CDCP1: variants seen among roughly 807,000 people sequenced by gnomAD.
The protein encoded by CDCP1 is CUB domain containing protein 1, also known as CUB domain-containing protein 1.
CDCP1 carries 29 observed loss-of-function variants against 60.2 expected under a neutral mutation model. The ratio of observed to expected loss-of-function variants is 0.48; its 90% CI spans 0.36 to 0.66. The LOEUF is 0.66. CDCP1 is among the 30% of genes least tolerant of loss of function. The pLI is 0.00. For synonymous variants in CDCP1, 387 were observed against 431.1 expected, an observed-to-expected ratio of 0.90 and a Z score of 1.27; for missense variants, 876 against 1,074.3, an observed-to-expected ratio of 0.82 and a Z score of 2.58.
chr3:45,102,775 C>A (rs1308308628), intron 4 of CDCP1, among the ~76,000 whole-genome samples: 1 of 152,140 alleles, frequency 6.6e-6, no homozygotes, highest in Admixed American at 6.5e-5. Context: ...ATTCTCCCAC[C>A]TCAGCCTCCC....
rs553354743 is a variant in CDCP1 at position 45,085,377 on chromosome 3, A to T, written c.*261T>A. On this transcript the variant is annotated 3_prime_UTR_variant, in exon 9 of 9. Coordinates refer to ENST00000296129, the MANE Select transcript of CDCP1 (RefSeq NM_022842.5). This position sits in a 1 kb window ranked among gnomAD's most constrained non-coding sequence, Gnocchi z 4.2. The stretch of plus-strand genomic sequence containing the variant: ...AGGTGACTCAGGCCTCTCTCCTCTC[A>T]TTACAGGCTGGCTAACCGCACAGCC... The T allele has an allele frequency of 6.8e-5, 30 of 444,208 alleles. No homozygotes were observed. The highest frequency in any genetic ancestry group is 5.3e-4 in the African/African-American group (27 of 50,832). 27.5% of individuals were successfully genotyped at this position (444,208 alleles called of 1,614,324 possible).
At chr3:45,087,821 C>T (rs1163866937) in intron 8 of CDCP1, among the ~76,000 whole-genome samples, 1 of 151,944 alleles carries the variant, frequency 6.6e-6, no homozygotes, top group Non-Finnish European at 1.5e-5. Context: ...AGATCGAGAC[C>T]ATCCTGGCCA....
chr3:45,110,314 GC>G, intron 4 of CDCP1, 158 bp downstream of exon 4: 2 of 1,444,024 alleles, frequency 1.4e-6, no homozygotes, highest in African/African-American at 2.9e-5. Flanking sequence ...CTGTCTAACT[GC>G]CTAGCAACCC....
Position 45,091,683 on chromosome 3 carries a change from T to A in CDCP1, c.1628-145A>T. 1.0e-6 allele frequency: 1 copy of A among 1,001,776 alleles called. No homozygotes were observed. The highest frequency in any genetic ancestry group is 1.4e-6 in the Non-Finnish European group (1 of 704,458). 62.1% of individuals were successfully genotyped at this position (1,001,776 alleles called of 1,614,324 possible). The stretch of plus-strand genomic sequence containing the variant: ...TGCGATGATGGAAATCTTCTAGATC[T>A]GCACCATCTGATAGGGTAGCCACCA... On this transcript the variant is annotated intron_variant, in intron 6 of 8. Transcript: ENST00000296129. The surrounding 1 kb of genome is among the most constrained non-coding windows in gnomAD (Gnocchi z 4.8).
chr3:45,117,236 A>C (rs1698808139), intron 2 of CDCP1, among the ~76,000 whole-genome samples: 1 of 152,202 alleles, frequency 6.6e-6, no homozygotes, highest in South Asian at 2.1e-4. Flanking sequence ...AGAAATTATA[A>C]ATGCATGTTT....
rs553993559 is a variant in CDCP1, at chr3:45,130,333, T to C, written c.83-11712A>G. ...CCAGGGTATCACTATGTTGCTCAGG[T>C]TGGTCTTGAACTCCTGGGCTCAAGC... On this transcript the variant is annotated intron_variant, in intron 1 of 8. Coordinates refer to ENST00000296129, the MANE Select transcript of CDCP1 (RefSeq NM_022842.5). 4.0e-3 allele frequency among the ~76,000 whole-genome samples: 609 copies of C among 152,020 alleles called. 5 individuals carry two copies. Among genetic ancestry groups the C allele is most frequent in the African/African-American group, 0.014 (578 of 41,374 alleles).
At chr3:45,143,005 C>T (rs927050642) in intron 1 of CDCP1, among the ~76,000 whole-genome samples, 6 of 152,170 alleles carry the variant, frequency 3.9e-5, no homozygotes, top group South Asian at 2.1e-4. Flanking sequence ...GAGTTTGAGA[C>T]GAGCCTGGCT....
At chr3:45,126,174 CCT>C (rs1698993180) in intron 1 of CDCP1, among the ~76,000 whole-genome samples, 3 of 135,610 alleles carry the variant, frequency 2.2e-5, no homozygotes, top group Admixed American at 7.9e-5. Context: ...TTCTTTCTTT[CCT>C]TCTTTCTCTC....
At chr3:45,140,451 T>C (rs1463756853) in intron 1 of CDCP1, among the ~76,000 whole-genome samples, 1 of 152,250 alleles carries the variant, frequency 6.6e-6, no homozygotes, top group Non-Finnish European at 1.5e-5. Context: ...TAATTTTCTT[T>C]TCAAGACGTT....
In CDCP1 at chr3:45,112,241, C is replaced by A. The variant is rs564196123; in HGVS notation, c.497G>T (p.Arg166Leu). The change falls in exon 3 of 9, where the codon CGA becomes CTA. Residue 166 changes from arginine to leucine, a missense_variant. Coordinates refer to ENST00000296129, the MANE Select transcript of CDCP1 (RefSeq NM_022842.5). ...PDGVTHSISGRIDATVVRIGT... is the reference protein window; with the variant it reads ...PDGVTHSISGLIDATVVRIGT... ...GATCCTGACCACGGTGGCATCGATT[C>A]GGCCGCTGATGGAGTGAGTGACTCC... 7.4e-6 allele frequency: 12 copies of A among 1,614,164 alleles called. No homozygotes were observed. In the South Asian group the frequency reaches 1.3e-4, roughly 18 times the overall value.
intron 5 of CDCP1, among the ~76,000 whole-genome samples, chr3:45,095,109 T>G (rs956320323): frequency 7.2e-5 from 11 of 152,144 alleles, no homozygotes. Context: ...AATTTTTGTA[T>G]TTTTAGTAAA....
At position 45,085,706 on chromosome 3, in the gene CDCP1, C is replaced by T; in HGVS notation, c.2443G>A (p.Asp815Asn). The T allele has an allele frequency of 1.9e-6, 3 of 1,614,138 alleles. No individual in the cohort carries two copies. Among genetic ancestry groups the T allele is most frequent in the South Asian group, 2.2e-5 (2 of 91,078 alleles). Residue 815 changes from aspartate (D) to asparagine (N), a missense_variant, in exon 9 of 9, where the codon GAT becomes AAT. Asp to Asn is a conservative substitution (Grantham distance 23). Coordinates refer to ENST00000296129, the MANE Select transcript of CDCP1 (RefSeq NM_022842.5). The surrounding 1 kb of genome is among the most constrained non-coding windows in gnomAD (Gnocchi z 4.2). ...ATGTCTGTGTCCTTGCTGCTTACAT[C>T]CCCATTGTTGGGATGGGAGAAGGTG... ...PYTFSHPNNGDVSSKDTDIPL... is the reference protein window; with the variant it reads ...PYTFSHPNNGNVSSKDTDIPL...
At chr3:45,142,969 G>A (rs956158122) in intron 1 of CDCP1, among the ~76,000 whole-genome samples, 3 of 152,230 alleles carry the variant, frequency 2.0e-5, no homozygotes, top group Admixed American at 6.5e-5. Flanking sequence ...TCAGGAGGCC[G>A]AGGCGGGCAG....
At position 45,093,268 on chromosome 3, in the gene CDCP1, C is replaced by A. The variant is rs906577084; in HGVS notation, c.1627+9G>T. 25 of 1,609,468 alleles carry A rather than the reference C, an allele frequency of 1.6e-5. No individual in the cohort carries two copies. Among genetic ancestry groups the A allele is most frequent in the Non-Finnish European group, 2.0e-5 (23 of 1,177,062 alleles). ...AAAGGGGCATGGAGATAGGGGAGAC[C>A]CCCCTTACCTTTGAAATAAGGTATA... On this transcript the variant is annotated intron_variant, in intron 6 of 8. Transcript: ENST00000296129.
intron 2 of CDCP1, among the ~76,000 whole-genome samples, chr3:45,113,750 T>C (rs1309948228): frequency 6.6e-6 from 1 of 152,208 alleles, no homozygotes. Flanking sequence ...TTCTTGCCAA[T>C]GCGCTATGCT....
intron 1 of CDCP1, among the ~76,000 whole-genome samples, chr3:45,144,380 C>CA (rs1699345449): frequency 6.6e-6 from 1 of 152,198 alleles, no homozygotes; most frequent in South Asian, 2.1e-4. Context: ...ACTCCAACCA[C>CA]AAAAGCTCTC....
At chr3:45,100,801 T>C (rs1357457215) in intron 4 of CDCP1, among the ~76,000 whole-genome samples, 1 of 152,224 alleles carries the variant, frequency 6.6e-6, no homozygotes, top group Non-Finnish European at 1.5e-5. Flanking sequence ...CTTGTTCATC[T>C]TTCCCACCAG....
intron 1 of CDCP1, among the ~76,000 whole-genome samples, chr3:45,124,503 C>T (rs1232363153): frequency 6.6e-6 from 1 of 152,090 alleles, no homozygotes; most frequent in Non-Finnish European, 1.5e-5. Flanking sequence ...TGGAGGAGTG[C>T]CCAGGATGCC....
intron 1 of CDCP1, among the ~76,000 whole-genome samples, chr3:45,131,952 G>A (rs975304004): frequency 1.5e-4 from 23 of 152,174 alleles, no homozygotes; most frequent in African/African-American, 5.3e-4. Flanking sequence ...AGCCATGTAA[G>A]GCTGGGTGTG....
Sources: allele counts gnomAD v4.1 joint callset (sites outside exome capture counted in the v4.1 genomes callset), GRCh38; gene constraint gnomAD v4.1.1; non-coding constraint Gnocchi (gnomAD v3.1); transcripts MANE v1.5; gene names NCBI Gene and HGNC (gene_info 2026-07-23, HGNC 2026-07-21).